CBFB: variants seen among roughly 807,000 people sequenced by gnomAD.
CBFB encodes CBF-beta.
Under a neutral mutation model 30.4 loss-of-function variants are expected in CBFB, and 9 were observed. That is an observed-to-expected ratio of 0.30 (90% confidence interval 0.18 to 0.52). CBFB has a LOEUF of 0.52. CBFB is among the 20% of genes least tolerant of loss of function. CBFB has a pLI of 0.97. For missense variants in CBFB, 170 were observed against 244.0 expected (o/e 0.70, Z 2.02); for synonymous variants, 94 against 84.0 (o/e 1.12, Z -0.65).
intron 4 of CBFB, among the ~76,000 whole-genome samples, chr16:67,074,043 A>G (rs1961316192): frequency 6.6e-6 from 1 of 152,192 alleles, no homozygotes; most frequent in Non-Finnish European, 1.5e-5. Flanking sequence ...AAAAACAAAA[A>G]ACAAAAAACA....
chr16:67,062,541 G>C (rs909244379), intron 3 of CBFB, among the ~76,000 whole-genome samples: 2 of 150,662 alleles, frequency 1.3e-5, no homozygotes, highest in African/African-American at 4.9e-5. Context: ...CCTGTAACCC[G>C]AGCACTCTGG....
chr16:67,073,700 C>T (rs1961301900), intron 4 of CBFB, among the ~76,000 whole-genome samples: 1 of 152,126 alleles, frequency 6.6e-6, no homozygotes, highest in African/African-American at 2.4e-5. Flanking sequence ...CGAGATCGTG[C>T]CATTGCACTC....
chr16:67,063,439 T>C (rs1960966407), intron 3 of CBFB, among the ~76,000 whole-genome samples: 1 of 152,046 alleles, frequency 6.6e-6, no homozygotes, highest in Non-Finnish European at 1.5e-5. Context: ...GCATAAATTT[T>C]TATTTATTTT....
intron 5 of CBFB, among the ~76,000 whole-genome samples, chr16:67,097,260 C>T (rs1049405775): frequency 2.0e-5 from 3 of 149,260 alleles, no homozygotes; most frequent in Admixed American, 6.6e-5. Flanking sequence ...AAAAATAGAT[C>T]TGGGGCCGGG....
intron 4 of CBFB, among the ~76,000 whole-genome samples, chr16:67,073,354 A>G (rs1301921134): frequency 6.6e-6 from 1 of 152,144 alleles, no homozygotes; most frequent in Non-Finnish European, 1.5e-5. Context: ...TCTATTTATG[A>G]TTCTTCTGAA....
chr16:67,067,823 A>C (rs1266707193), intron 4 of CBFB, among the ~76,000 whole-genome samples: 1 of 152,362 alleles, frequency 6.6e-6, no homozygotes, highest in East Asian at 1.9e-4. Context: ...CTAGTGTTGC[A>C]GAAAGCAACA....
At chr16:67,033,860 C>A (rs150563978) in intron 2 of CBFB, among the ~76,000 whole-genome samples, 1 of 127,964 alleles carries the variant, frequency 7.8e-6, no homozygotes. Flanking sequence ...CTTGCACTGT[C>A]GGCTAGGCTG....
chr16:67,099,054 T>G lies in CBFB; in HGVS notation c.*276T>G. 2.8e-6 allele frequency: 1 copy of G among 352,382 alleles called. No homozygotes were observed. The highest frequency in any genetic ancestry group is 5.1e-6 in the Non-Finnish European group (1 of 196,974). The allele number at this position is 352,382 out of a possible 1,614,324, so 21.8% of individuals were successfully genotyped here. A position where few individuals can be genotyped will look rare whatever the true frequency, so the allele number is the denominator to read the frequency against. On this transcript the variant is annotated 3_prime_UTR_variant, in exon 6 of 6. Transcript: ENST00000412916. The stretch of plus-strand genomic sequence containing the variant: ...TGGCATTATTTTAGGGAGTTGAAAC[T>G]ATCAACTGTAAAGCTCCTTTTCTTC...
Position 67,098,764 on chromosome 16 carries a change from C to T in CBFB, c.550C>T (p.Leu184Phe), listed in dbSNP as rs747813431. 5.0e-6 allele frequency: 8 copies of T among 1,600,378 alleles called. No individual in the cohort carries two copies. Among genetic ancestry groups the T allele is most frequent in the Non-Finnish European group, 6.9e-6 (8 of 1,167,644 alleles). Residue 184 changes from leucine (L) to phenylalanine (F), a missense_variant, in exon 6 of 6, where the codon CTC becomes TTC. By Grantham distance (22) the Leu-to-Phe change is conservative (BLOSUM62 0). Transcript: ENST00000412916. ...TTCCAATTTAGGTGGTGGTGATGACCTCAAACTTCGTTAATTAATAGCACA... is the reference window on the plus strand; with the variant it reads ...TTCCAATTTAGGTGGTGGTGATGACTTCAAACTTCGTTAATTAATAGCACA... ...PGSNLGGGDD[L>F]KLR
intron 4 of CBFB, among the ~76,000 whole-genome samples, chr16:67,069,320 A>G (rs958734437): frequency 1.3e-5 from 2 of 152,092 alleles, no homozygotes; most frequent in Non-Finnish European, 2.9e-5. Flanking sequence ...CAGCAAGCCA[A>G]GATCGCATCA....
intron 5 of CBFB, among the ~76,000 whole-genome samples, chr16:67,085,628 G>A (rs550633579): frequency 1.4e-4 from 21 of 151,556 alleles, no homozygotes; most frequent in African/African-American, 5.1e-4. Flanking sequence ...CCAAAGTGCT[G>A]GGATTACAGA....
At chr16:67,052,573 C>G (rs1195620817) in intron 3 of CBFB, among the ~76,000 whole-genome samples, 1 of 149,558 alleles carries the variant, frequency 6.7e-6, no homozygotes, top group Non-Finnish European at 1.5e-5. Context: ...GAGACCCTGT[C>G]TCTTAAAAAA....
intron 3 of CBFB, among the ~76,000 whole-genome samples, chr16:67,053,545 G>T (rs1290886345): frequency 6.6e-6 from 1 of 151,916 alleles, no homozygotes. Flanking sequence ...GTGAGCCACC[G>T]CACCCAGCCT....
intron 3 of CBFB, among the ~76,000 whole-genome samples, chr16:67,060,500 G>C (rs1324970011): frequency 6.6e-6 from 1 of 152,020 alleles, no homozygotes; most frequent in African/African-American, 2.4e-5. Context: ...CCTTCGTGTT[G>C]CTCTGTTGCT....
At chr16:67,045,204 G>A (rs1025996031) in intron 3 of CBFB, among the ~76,000 whole-genome samples, 1 of 152,084 alleles carries the variant, frequency 6.6e-6, no homozygotes, top group Non-Finnish European at 1.5e-5. Flanking sequence ...AAGAGAGGAA[G>A]TCGACTTTCT....
At chr16:67,050,211 T>C (rs937064970) in intron 3 of CBFB, among the ~76,000 whole-genome samples, 4 of 147,838 alleles carry the variant, frequency 2.7e-5, no homozygotes, top group African/African-American at 4.9e-5. Context: ...GTTATATATA[T>C]AATTTATATA....
chr16:67,092,696 A>ATTTTTTTTT lies in CBFB; in HGVS notation c.496-6013_496-6012insTTTTTTTTT, dbSNP rs1162307047. ...ACCCAGGCTAGGTTACAGTGGTGCA[A>ATTTTTTTTT]TCTTTTTTTTTTTTTTTTTTTTTTT... is the stretch of plus-strand genomic sequence containing the variant. On this transcript the variant is annotated intron_variant, in intron 5 of 5. Coordinates refer to ENST00000412916, the MANE Select transcript of CBFB (RefSeq NM_022845.3). Among the ~76,000 whole-genome samples the ATTTTTTTTT allele has an allele frequency of 1.1e-3, 101 of 94,660 alleles. 4 individuals carry two copies. The highest frequency in any genetic ancestry group is 2.5e-3 in the African/African-American group (53 of 21,158). The allele number at this position is 94,660 out of a possible 152,430, so 62.1% of individuals were successfully genotyped here. A position where few individuals can be genotyped will look rare whatever the true frequency, so the allele number is the denominator to read the frequency against.
In CBFB at chr16:67,029,586, T is replaced by G. The variant is rs1966294973; in HGVS notation, c.78+101T>G. 3.5e-5 allele frequency: 47 copies of G among 1,352,712 alleles called. 1 individual carries two copies. The South Asian group carries it at 6.1e-4, about 18-fold the overall frequency. 83.8% of individuals were successfully genotyped at this position (1,352,712 alleles called of 1,614,324 possible). On this transcript the variant is annotated intron_variant, in intron 1 of 5. Coordinates refer to ENST00000412916, the MANE Select transcript of CBFB (RefSeq NM_022845.3). Reference sequence around the variant, plus strand: ...CACGGTCCCCGGGAGTCCCGGTCGGTGCGCCCGCGGAGGGGCAATCTCGCC... The same window carrying G: ...CACGGTCCCCGGGAGTCCCGGTCGGGGCGCCCGCGGAGGGGCAATCTCGCC...
chr16:67,089,468 T>A lies in CBFB; in HGVS notation c.495+7160T>A, dbSNP rs577932860. 5.9e-5 allele frequency among the ~76,000 whole-genome samples: 9 copies of A among 152,250 alleles called. No homozygotes were observed. The East Asian group carries it at 1.7e-3, about 29-fold the overall frequency. On this transcript the variant is annotated intron_variant, in intron 5 of 5. Transcript: ENST00000412916. ...GTATCATTAATTATTTAGAAAAAAA[T>A]AAAATTTGCTTTCAGTATTACACAG...
Sources: gnomAD v4.1 joint callset for allele counts (sites outside exome capture counted in the v4.1 genomes callset) on GRCh38, gnomAD v4.1.1 for gene constraint, MANE v1.5 for transcripts, NCBI Gene and HGNC (gene_info 2026-07-23, HGNC 2026-07-21) for gene names.